Variants in MACROD2 observed in about 807,000 individuals in gnomAD.
MACROD2 encodes ADP-ribose glycohydrolase MACROD2.
MACROD2 carries 36 observed loss-of-function variants against 70.4 expected under a neutral mutation model. The ratio of observed to expected loss-of-function variants is 0.51; its 90% CI spans 0.39 to 0.68. The LOEUF (loss-of-function observed/expected upper bound fraction) is 0.68. MACROD2 is among the 30% of genes least tolerant of loss of function. The pLI is 0.00. For synonymous variants in MACROD2, 172 were observed against 178.8 expected (o/e 0.96, Z 0.30); for missense variants, 496 against 538.4 (o/e 0.92, Z 0.78).
At chr20:15,833,211 T>C (rs2064076718) in intron 8 of MACROD2, among the ~76,000 whole-genome samples, 1 of 152,194 alleles carries the variant, frequency 6.6e-6, no homozygotes. Flanking sequence ...TGACTATAAT[T>C]GATGGCTGAA....
At chr20:14,496,264 A>G (rs1885920799) in intron 4 of MACROD2, among the ~76,000 whole-genome samples, 1 of 152,220 alleles carries the variant, frequency 6.6e-6, no homozygotes, top group African/African-American at 2.4e-5. Context: ...TTGACTAAAC[A>G]ATTTGATCAA....
At chr20:14,428,078 C>G (rs186045259) in intron 3 of MACROD2, among the ~76,000 whole-genome samples, 1 of 152,020 alleles carries the variant, frequency 6.6e-6, no homozygotes, top group Non-Finnish European at 1.5e-5. Context: ...GCAGTTTAGT[C>G]TATAATCTCA....
intron 6 of MACROD2, among the ~76,000 whole-genome samples, chr20:15,334,457 T>C (rs2078026726): frequency 6.6e-6 from 1 of 151,732 alleles, no homozygotes; most frequent in South Asian, 2.1e-4. Flanking sequence ...ACTCAACCTC[T>C]AATTAGCTTT....
At chr20:15,782,783 A>G (rs1373343533) in intron 8 of MACROD2, among the ~76,000 whole-genome samples, 2 of 149,368 alleles carry the variant, frequency 1.3e-5, no homozygotes, top group Non-Finnish European at 3.0e-5. Flanking sequence ...AGTTATTTAA[A>G]TTGTCTAATG....
intron 5 of MACROD2, among the ~76,000 whole-genome samples, chr20:14,820,152 T>C (rs2072824587): frequency 6.6e-6 from 1 of 152,180 alleles, no homozygotes; most frequent in Non-Finnish European, 1.5e-5. Context: ...TAGCATTGTC[T>C]GTGCTTTTGA....
chr20:15,758,848 C>T (rs957023224), intron 8 of MACROD2, among the ~76,000 whole-genome samples: 1 of 150,676 alleles, frequency 6.6e-6, no homozygotes, highest in Admixed American at 6.6e-5. Flanking sequence ...TGGCCTAATT[C>T]GGTTTATTAA....
intron 5 of MACROD2, among the ~76,000 whole-genome samples, chr20:14,934,523 A>G (rs980878488): frequency 1.3e-5 from 2 of 152,208 alleles, no homozygotes; most frequent in African/African-American, 4.8e-5. Flanking sequence ...ATGGTGGGTC[A>G]TGCCTATAAT....
intron 6 of MACROD2, among the ~76,000 whole-genome samples, chr20:15,295,726 A>G (rs973901681): frequency 6.6e-6 from 1 of 152,076 alleles, no homozygotes; most frequent in Non-Finnish European, 1.5e-5. Context: ...TCCTCCAGAC[A>G]TAATTGTGGA....
At chr20:14,836,167 A>T (rs1264004515) in intron 5 of MACROD2, among the ~76,000 whole-genome samples, 2 of 152,104 alleles carry the variant, frequency 1.3e-5, no homozygotes, top group African/African-American at 2.4e-5. Flanking sequence ...CTCAAAAAAA[A>T]TTTTGGAAAA....
chr20:14,074,694 C>T (rs1335154098), intron 2 of MACROD2, among the ~76,000 whole-genome samples: 2 of 152,158 alleles, frequency 1.3e-5, no homozygotes, highest in African/African-American at 2.4e-5. Flanking sequence ...GAACATGCTT[C>T]TCCCATGGGA....
chr20:14,582,486 C>G (rs1981098765), intron 4 of MACROD2, among the ~76,000 whole-genome samples: 1 of 152,044 alleles, frequency 6.6e-6, no homozygotes, highest in African/African-American at 2.4e-5. Flanking sequence ...AGTGTCCACA[C>G]CGAACATTCA....
chr20:15,164,172 A>G (rs971752901), intron 5 of MACROD2, among the ~76,000 whole-genome samples: 7 of 152,156 alleles, frequency 4.6e-5, no homozygotes, highest in Admixed American at 6.5e-5. Flanking sequence ...TGGATAGAAA[A>G]TATTTTAAAA....
intron 4 of MACROD2, among the ~76,000 whole-genome samples, chr20:14,526,158 C>A (rs954998217): frequency 1.1e-4 from 17 of 152,166 alleles, no homozygotes; most frequent in Non-Finnish European, 1.5e-5. Flanking sequence ...CAGTATTTTC[C>A]ATATCTCTTT....
At chr20:15,070,923 A>C (rs1273076352) in intron 5 of MACROD2, among the ~76,000 whole-genome samples, 6 of 147,502 alleles carry the variant, frequency 4.1e-5, no homozygotes, top group East Asian at 1.9e-4. Context: ...AAAAAAAAAA[A>C]ACCCAAAAAA....
intron 3 of MACROD2, among the ~76,000 whole-genome samples, chr20:14,285,138 C>T (rs2082334060): frequency 6.6e-6 from 1 of 152,232 alleles, no homozygotes; most frequent in Non-Finnish European, 1.5e-5. Context: ...TATCTCTTAT[C>T]TGGAATGCTT....
intron 3 of MACROD2, among the ~76,000 whole-genome samples, chr20:14,438,302 T>A (rs1600236745): frequency 6.6e-6 from 1 of 152,338 alleles, no homozygotes; most frequent in East Asian, 1.9e-4. Flanking sequence ...CCACAGTTTA[T>A]TTCATCCATT....
At chr20:15,651,675 T>C (rs190607387) in intron 8 of MACROD2, among the ~76,000 whole-genome samples, 4 of 152,288 alleles carry the variant, frequency 2.6e-5, no homozygotes, top group South Asian at 2.1e-4. Context: ...TTATGTCTTG[T>C]CATCTTTCAA....
At chr20:14,387,667 G>A (rs2083483259) in intron 3 of MACROD2, among the ~76,000 whole-genome samples, 1 of 152,196 alleles carries the variant, frequency 6.6e-6, no homozygotes, top group African/African-American at 2.4e-5. Flanking sequence ...GCACCAACAA[G>A]CCATACCAAG....
intron 6 of MACROD2, among the ~76,000 whole-genome samples, chr20:15,265,537 G>T (rs911640694): frequency 6.6e-6 from 1 of 151,860 alleles, no homozygotes; most frequent in Non-Finnish European, 1.5e-5. Context: ...ATTTTTTTTC[G>T]ATGTAACTTT....
Sources: allele counts gnomAD v4.1 joint callset (sites outside exome capture counted in the v4.1 genomes callset), GRCh38; gene constraint gnomAD v4.1.1; transcripts MANE v1.5; gene names NCBI Gene and HGNC (gene_info 2026-07-23, HGNC 2026-07-21).